FLRT1: variants seen among roughly 807,000 people sequenced by gnomAD.
The protein encoded by FLRT1 is fibronectin leucine rich transmembrane protein 1.
FLRT1 carries 14 observed loss-of-function variants against 30.9 expected under a neutral mutation model. That is an observed-to-expected ratio of 0.45 (90% CI 0.30 to 0.71). FLRT1 has a LOEUF of 0.71. Among genes scored for constraint, FLRT1 ranks in the 30% least tolerant of loss-of-function variants. The pLI is 0.08. For synonymous variants in FLRT1, 368 were observed against 430.4 expected (o/e 0.85, Z 1.80); for missense variants, 737 against 949.2 (o/e 0.78, Z 2.94).
rs112890446 is a variant in FLRT1, at chr11:64,064,215, G to GA, written c.-1038+28063dup. ...ACATGAATAAAACATCAGTGTAGGG[G>GA]AAAAAAATCCCAAACTGCACAGCCT... On this transcript the variant is annotated intron_variant, in intron 1 of 2. Transcript: ENST00000682287. The surrounding 1 kb of genome is among the most constrained non-coding windows in gnomAD (Gnocchi z 4.5). Among the ~76,000 whole-genome samples, 2,214 of 152,166 alleles carry GA rather than the reference G, an allele frequency of 0.015. 59 individuals are homozygous for GA. The highest frequency in any genetic ancestry group is 0.05 in the African/African-American group (2,056 of 41,506).
intron 2 of FLRT1, 69 bp downstream of exon 2, chr11:64,104,250 C>T (rs1208757336): frequency 1.3e-5 from 2 of 152,068 alleles, no homozygotes; most frequent in East Asian, 1.9e-4. Flanking sequence ...CAGGGTTCCT[C>T]GCACCCAGAC....
rs372090655 is a variant in FLRT1, at chr11:64,116,250, C to T, written c.-18C>T. On this transcript the variant is annotated 5_prime_UTR_variant, in exon 3 of 3. The change creates a new upstream start codon in the 5' untranslated region. Transcript: ENST00000682287. ...AGGCTCCAGGCCAGGTGGGGCCGGA[C>T]GCCCCCAGCCATCCACCATGGTGGT... 39 of 1,584,468 alleles carry T rather than the reference C, an allele frequency of 2.5e-5. No individual in the cohort carries two copies. The highest frequency in any genetic ancestry group is 1.7e-4 in the Middle Eastern group (1 of 6,020).
At chr11:64,063,707 G>A (rs1014808232) in intron 1 of FLRT1, among the ~76,000 whole-genome samples, 3 of 152,280 alleles carry the variant, frequency 2.0e-5, no homozygotes, top group Non-Finnish European at 2.9e-5. Flanking sequence ...ACACCTCAGC[G>A]GGTGCTGAAA....
chr11:64,095,068 A>T (rs539861006), intron 1 of FLRT1, among the ~76,000 whole-genome samples: 1 of 152,320 alleles, frequency 6.6e-6, no homozygotes, highest in East Asian at 1.9e-4. Context: ...CAGGCTCCCA[A>T]ATGAAAAGGA....
At chr11:64,039,096 C>G (rs868584476) in intron 1 of FLRT1, among the ~76,000 whole-genome samples, 52 of 152,266 alleles carry the variant, frequency 3.4e-4, no homozygotes, top group African/African-American at 1.1e-3. Flanking sequence ...CCCCTGCAGG[C>G]AGGGGCCATC....
At chr11:64,075,182 C>A (rs1944179127) in intron 1 of FLRT1, among the ~76,000 whole-genome samples, 1 of 152,236 alleles carries the variant, frequency 6.6e-6, no homozygotes, top group Non-Finnish European at 1.5e-5. Context: ...GCATGAGGGT[C>A]TGAGGCCATG....
At chr11:64,074,334 C>T (rs557642678) in intron 1 of FLRT1, among the ~76,000 whole-genome samples, 3 of 152,326 alleles carry the variant, frequency 2.0e-5, no homozygotes, top group East Asian at 1.9e-4. Flanking sequence ...TGCAAGGTCC[C>T]GCTCTGGGAG....
chr11:64,108,026 C>G (rs1163756427), intron 2 of FLRT1, among the ~76,000 whole-genome samples: 1 of 152,090 alleles, frequency 6.6e-6, no homozygotes, highest in Non-Finnish European at 1.5e-5. Flanking sequence ...GGAAGTAGAT[C>G]GTTTATGGTC....
intron 1 of FLRT1, among the ~76,000 whole-genome samples, chr11:64,091,881 A>G (rs61884708): frequency 0.3 from 45,877 of 152,128 alleles, 8,789 homozygotes; most frequent in Middle Eastern, 0.47. Flanking sequence ...TGCTGGGCCA[A>G]TCCCACCATC....
chr11:64,043,267 T>C (rs1213060391), intron 1 of FLRT1, among the ~76,000 whole-genome samples: 1 of 152,166 alleles, frequency 6.6e-6, no homozygotes, highest in African/African-American at 2.4e-5. Context: ...GCTGGGATAA[T>C]CACCCTGCTC....
chr11:64,116,090 C>T (rs1944973577), intron 2 of FLRT1, 129 bp from the exon 3 acceptor site: 3 of 948,020 alleles, frequency 3.2e-6, no homozygotes, highest in Non-Finnish European at 4.6e-6. Flanking sequence ...CCAGCTTGAC[C>T]TCACCCCGCA....
chr11:64,118,171 T>C lies in FLRT1; in HGVS notation c.1904T>C (p.Val635Ala). 3 of 1,613,668 alleles carry C rather than the reference T, an allele frequency of 1.9e-6. No homozygotes were observed. Among genetic ancestry groups the C allele is most frequent in the Admixed American group, 3.3e-5 (2 of 60,032 alleles). ...TACCGCGCCAAAGAAGAGTACGTGG[T>C]CCACACTATCTTCCCCTCCAACGGC... is the stretch of plus-strand genomic sequence containing the variant. The part of the protein sequence containing the change: ...NPYRAKEEYV[V>A]HTIFPSNGSS... The change falls in exon 3 of 3, where the codon GTC becomes GCC. Residue 635 changes from valine (V) to alanine (A), a missense_variant. Physicochemically the swap from Val to Ala is moderately conservative, Grantham distance 64. Coordinates refer to ENST00000682287, the MANE Select transcript of FLRT1 (RefSeq NM_013280.5).
At chr11:64,071,525 C>T (rs932856904) in intron 1 of FLRT1, among the ~76,000 whole-genome samples, 5 of 152,160 alleles carry the variant, frequency 3.3e-5, no homozygotes, top group Middle Eastern at 3.2e-3. Context: ...CCCTGGGGCC[C>T]ATCCCAGACC....
At position 64,042,413 on chromosome 11, in the gene FLRT1, G is replaced by T. The variant is rs536797858; in HGVS notation, c.-1038+6254G>T. Among the ~76,000 whole-genome samples the T allele has an allele frequency of 3.9e-5, 6 of 152,288 alleles. No homozygotes were observed. The South Asian group carries it at 8.3e-4, about 21-fold the overall frequency. On this transcript the variant is annotated intron_variant, in intron 1 of 2. Coordinates refer to ENST00000682287, the MANE Select transcript of FLRT1 (RefSeq NM_013280.5). ...AGGCCTGGACCCCTCTCTGGGGAAT[G>T]GGGGGGTGTGAAGGAATGAGAAGTG... is the stretch of plus-strand genomic sequence containing the variant.
intron 1 of FLRT1, among the ~76,000 whole-genome samples, chr11:64,088,008 T>G (rs1014097836): frequency 3.3e-5 from 5 of 152,070 alleles, no homozygotes; most frequent in Admixed American, 2.6e-4. Flanking sequence ...GGCTGTGGTG[T>G]GGAAACACCC....
intron 1 of FLRT1, among the ~76,000 whole-genome samples, chr11:64,044,899 G>C (rs1207113012): frequency 6.6e-6 from 1 of 152,232 alleles, no homozygotes; most frequent in Non-Finnish European, 1.5e-5. Context: ...CCCACTGTGT[G>C]CTGGGCCTGG....
chr11:64,044,553 G>C (rs887583862), intron 1 of FLRT1, among the ~76,000 whole-genome samples: 2 of 152,152 alleles, frequency 1.3e-5, no homozygotes, highest in African/African-American at 4.8e-5. Flanking sequence ...AGCAACTTCT[G>C]AAGTAGGCAC....
chr11:64,088,066 C>T (rs1476776796), intron 1 of FLRT1, among the ~76,000 whole-genome samples: 1 of 152,182 alleles, frequency 6.6e-6, no homozygotes, highest in African/African-American at 2.4e-5. Context: ...CTGGGCCTCC[C>T]CTGGCTCTTC....
At chr11:64,043,046 G>A (rs886663546) in intron 1 of FLRT1, among the ~76,000 whole-genome samples, 3 of 152,156 alleles carry the variant, frequency 2.0e-5, no homozygotes, top group Admixed American at 6.5e-5. Flanking sequence ...ACTTGGGCTC[G>A]AAGCCCACCT....
Sources: allele counts gnomAD v4.1 joint callset (sites outside exome capture counted in the v4.1 genomes callset), GRCh38; gene constraint gnomAD v4.1.1; non-coding constraint Gnocchi (gnomAD v3.1); transcripts MANE v1.5; gene names NCBI Gene and HGNC (gene_info 2026-07-23, HGNC 2026-07-21).